CDK8: variants seen among roughly 807,000 people sequenced by gnomAD.
The protein encoded by CDK8 is cyclin-dependent kinase 8.
A neutral mutation model predicts 71.5 loss-of-function variants in CDK8; 29 were observed. The observed-to-expected ratio is 0.41, with a 90% CI of 0.30 to 0.55. CDK8 has a LOEUF of 0.55. CDK8 is among the 20% of genes least tolerant of loss of function. The pLI, the probability that CDK8 is intolerant of heterozygous loss-of-function variation, is 0.37. For missense variants in CDK8, 288 were observed against 572.6 expected, an observed-to-expected ratio of 0.50 and a Z score of 5.07; for synonymous variants, 161 against 192.1, an observed-to-expected ratio of 0.84 and a Z score of 1.34.
rs540719076 is a variant in CDK8, at chr13:26,263,763, T to C, written c.128+8994T>C. On this transcript the variant is annotated intron_variant, in intron 1 of 12. Coordinates refer to ENST00000381527, the MANE Select transcript of CDK8 (RefSeq NM_001260.3). ...TAAAAGACTCCCTTTTTTTTTTTTTTCGAGACGGAGTCTCGCTATGTCACC... is the reference window on the plus strand; with the variant it reads ...TAAAAGACTCCCTTTTTTTTTTTTTCCGAGACGGAGTCTCGCTATGTCACC... Among the ~76,000 whole-genome samples the C allele has an allele frequency of 2.1e-4, 28 of 136,390 alleles. No homozygotes were observed. In the East Asian group the frequency reaches 2.4e-3, roughly 11 times the overall value. The allele number at this position is 136,390 out of a possible 152,430, so 89.5% of individuals were successfully genotyped here.
intron 9 of CDK8, 64 bp downstream of exon 9, chr13:26,397,289 G>T: frequency 1.0e-6 from 1 of 990,996 alleles, no homozygotes; most frequent in Non-Finnish European, 1.6e-6. Flanking sequence ...CCCAACTGAG[G>T]CTTTTTTGGA....
At chr13:26,334,139 G>A (rs1380052781) in intron 1 of CDK8, among the ~76,000 whole-genome samples, 1 of 152,024 alleles carries the variant, frequency 6.6e-6, no homozygotes, top group Non-Finnish European at 1.5e-5. Context: ...TTGGAGTAGG[G>A]GAGAAGACTG....
At position 26,254,601 on chromosome 13, in the gene CDK8, CG is replaced by C; in HGVS notation, c.-39del. The C allele has an allele frequency of 2.0e-6, 3 of 1,502,032 alleles. No individual in the cohort carries two copies. Among genetic ancestry groups the C allele is most frequent in the Non-Finnish European group, 1.8e-6 (2 of 1,108,788 alleles). 93.0% of individuals were successfully genotyped at this position (1,502,032 alleles called of 1,614,324 possible). On this transcript the variant is annotated 5_prime_UTR_variant, in exon 1 of 13. Coordinates refer to ENST00000381527, the MANE Select transcript of CDK8 (RefSeq NM_001260.3). The surrounding 1 kb of genome is among the most constrained non-coding windows in gnomAD (Gnocchi z 6.7). ...TTCCCCGGTCCCCACCCCTGCCCCCCGGCCCCCCGACCCAGCTCTCCGGCCT... is the reference window on the plus strand; with the variant it reads ...TTCCCCGGTCCCCACCCCTGCCCCCCGCCCCCCGACCCAGCTCTCCGGCCT...
chr13:26,366,248 A>G (rs948295018), intron 4 of CDK8, among the ~76,000 whole-genome samples: 1 of 152,148 alleles, frequency 6.6e-6, no homozygotes. Context: ...AAATGGTCAA[A>G]TAACAGAACA....
At chr13:26,380,271 C>G (rs1001923297) in intron 4 of CDK8, among the ~76,000 whole-genome samples, 4 of 152,140 alleles carry the variant, frequency 2.6e-5, no homozygotes, top group African/African-American at 9.7e-5. Context: ...CCTCCGCCTC[C>G]CAGGTTCAAG....
rs1193823369 is a variant in CDK8, at chr13:26,379,455, G to A, written c.457-3359G>A. On this transcript the variant is annotated intron_variant, in intron 4 of 12. Coordinates refer to ENST00000381527, the MANE Select transcript of CDK8 (RefSeq NM_001260.3). Reference sequence around the variant, plus strand: ...CAAACTTAGATTTAGAACTCGACCAGTTCAGTAAGTCTAGAATAAAAGAAA... The same window carrying A: ...CAAACTTAGATTTAGAACTCGACCAATTCAGTAAGTCTAGAATAAAAGAAA... Among the ~76,000 whole-genome samples the A allele has an allele frequency of 2.0e-5, 3 of 152,164 alleles. No individual in the cohort carries two copies. In the East Asian group the frequency reaches 5.8e-4, roughly 29 times the overall value.
In CDK8 at chr13:26,379,420, C is replaced by A. The variant is rs142667550; in HGVS notation, c.457-3394C>A. On this transcript the variant is annotated intron_variant, in intron 4 of 12. Coordinates refer to ENST00000381527, the MANE Select transcript of CDK8 (RefSeq NM_001260.3). ...TTGACAAAGATACTATTTATCCCCC[C>A]ACCAGTGGTCAAACTTAGATTTAGA... Among the ~76,000 whole-genome samples, 27 of 152,294 alleles carry A rather than the reference C, an allele frequency of 1.8e-4. No individual in the cohort carries two copies. The East Asian group carries it at 2.7e-3, about 15-fold the overall frequency.
chr13:26,279,154 G>A (rs1298940080), intron 1 of CDK8, among the ~76,000 whole-genome samples: 1 of 152,012 alleles, frequency 6.6e-6, no homozygotes, highest in Non-Finnish European at 1.5e-5. Context: ...GGTAGGGTGG[G>A]GGTGGTTCTT....
chr13:26,338,753 G>A (rs1012891090), intron 2 of CDK8, among the ~76,000 whole-genome samples: 11 of 151,962 alleles, frequency 7.2e-5, no homozygotes, highest in Admixed American at 6.6e-4. Flanking sequence ...GTATATACTC[G>A]TCAGTTTTAA....
chr13:26,360,896 T>G (rs1234800830), intron 4 of CDK8, among the ~76,000 whole-genome samples: 1 of 152,200 alleles, frequency 6.6e-6, no homozygotes, highest in African/African-American at 2.4e-5. Context: ...GTCTGCATTT[T>G]AAATCCTTTC....
At chr13:26,397,027 C>T (rs1355033918) in intron 8 of CDK8, 126 bp from the exon 9 acceptor site, 2 of 640,494 alleles carry the variant, frequency 3.1e-6, no homozygotes, top group African/African-American at 3.8e-5. Flanking sequence ...TCATTTTATG[C>T]TCATAGTGTT....
At chr13:26,268,697 T>A (rs1872155392) in intron 1 of CDK8, among the ~76,000 whole-genome samples, 1 of 152,170 alleles carries the variant, frequency 6.6e-6, no homozygotes. Context: ...TATTTAAAAT[T>A]ACAGTTATTT....
At chr13:26,358,452 A>G (rs992681616) in intron 4 of CDK8, among the ~76,000 whole-genome samples, 3 of 152,156 alleles carry the variant, frequency 2.0e-5, no homozygotes, top group Admixed American at 6.5e-5. Context: ...CATTCTAAGA[A>G]TTTTTACCTC....
chr13:26,310,383 A>G (rs611402), intron 1 of CDK8, among the ~76,000 whole-genome samples: 6,079 of 152,268 alleles, frequency 0.04, 187 homozygotes, highest in Non-Finnish European at 0.066. Context: ...CAATTTTTCC[A>G]TGGACCAATG....
chr13:26,359,665 G>A (rs532533743), intron 4 of CDK8: 123 of 375,442 alleles, frequency 3.3e-4, no homozygotes, highest in African/African-American at 2.2e-3. Flanking sequence ...TGACCATTTT[G>A]AGAGCATCTA....
chr13:26,261,482 C>T (rs1224350924), intron 1 of CDK8, among the ~76,000 whole-genome samples: 4 of 151,826 alleles, frequency 2.6e-5, no homozygotes, highest in Admixed American at 6.6e-5. Context: ...TCTCCCCAGC[C>T]GTTGACAAGC....
At position 26,374,091 on chromosome 13, in the gene CDK8, C is replaced by T. The variant is rs193050157; in HGVS notation, c.457-8723C>T. On this transcript the variant is annotated intron_variant, in intron 4 of 12. Transcript: ENST00000381527. ...TGGTGGGTGCCTGTAGTCCCAGCTG[C>T]TCGAGAGGCTGAGGCAGGAGAATGG... is the stretch of plus-strand genomic sequence containing the variant. 3.4e-3 allele frequency among the ~76,000 whole-genome samples: 507 copies of T among 150,558 alleles called. 4 individuals are homozygous for T. Among genetic ancestry groups the T allele is most frequent in the African/African-American group, 0.012 (485 of 40,952 alleles).
At chr13:26,395,218 C>T (rs187415868) in intron 7 of CDK8, among the ~76,000 whole-genome samples, 496 of 152,246 alleles carry the variant, frequency 3.3e-3, no homozygotes, top group Admixed American at 0.01. Context: ...TGCGAGGCCG[C>T]GGTGGGCGGA....
intron 1 of CDK8, among the ~76,000 whole-genome samples, chr13:26,267,943 A>G (rs1281645252): frequency 1.1e-4 from 16 of 152,082 alleles, no homozygotes; most frequent in Non-Finnish European, 1.9e-4. Context: ...GCTTCCTTCA[A>G]TGGTTCTAGA....
Sources: gnomAD v4.1 joint callset for allele counts (sites outside exome capture counted in the v4.1 genomes callset) on GRCh38, gnomAD v4.1.1 for gene constraint, Gnocchi (gnomAD v3.1) non-coding constraint, MANE v1.5 for transcripts, NCBI Gene and HGNC (gene_info 2026-07-23, HGNC 2026-07-21) for gene names.